LRRC7: variants seen among roughly 807,000 people sequenced by gnomAD.
The protein encoded by LRRC7 is leucine rich repeat containing 7.
Under a neutral mutation model 175.7 loss-of-function variants are expected in LRRC7, and 23 were observed. The observed-to-expected ratio is 0.13, with a 90% CI of 0.09 to 0.19. The LOEUF is 0.19. Ranked by LOEUF, LRRC7 falls within the 10% of genes least tolerant of loss-of-function variation. The pLI, the probability that LRRC7 is intolerant of heterozygous loss-of-function variation, is 1.00. For synonymous variants in LRRC7, 685 were observed against 680.9 expected, an observed-to-expected ratio of 1.01 and a Z score of -0.09; for missense variants, 1,354 against 1,904.7, an observed-to-expected ratio of 0.71 and a Z score of 5.38.
rs952159201 is a variant in LRRC7 at position 69,779,035 on chromosome 1, C to A, written c.304-13008C>A. 2.0e-5 allele frequency among the ~76,000 whole-genome samples: 3 copies of A among 150,864 alleles called. No individual in the cohort carries two copies. In the East Asian group the frequency reaches 5.8e-4, roughly 29 times the overall value. On this transcript the variant is annotated intron_variant, in intron 3 of 26. Transcript: ENST00000651989. ...ACACACAAACATATATATATATACA[C>A]ACACACACACACAGATACATACACA...
intron 25 of LRRC7, among the ~76,000 whole-genome samples, chr1:70,098,896 G>A (rs1196874268): frequency 2.0e-5 from 3 of 152,022 alleles, no homozygotes; most frequent in East Asian, 1.9e-4. Flanking sequence ...AGAGGTACAC[G>A]GAGGAACTGG....
At chr1:69,696,928 C>G (rs1662672103) in intron 2 of LRRC7, among the ~76,000 whole-genome samples, 1 of 152,100 alleles carries the variant, frequency 6.6e-6, no homozygotes, top group Admixed American at 6.5e-5. Flanking sequence ...TATAAATTAC[C>G]CAGCTTCAGG....
At chr1:69,961,371 T>G (rs370351037) in intron 8 of LRRC7, among the ~76,000 whole-genome samples, 6 of 152,140 alleles carry the variant, frequency 3.9e-5, no homozygotes, top group African/African-American at 1.4e-4. Context: ...TGCTCATGAA[T>G]AAGAAGAATC....
At chr1:69,846,017 T>A (rs966303446) in intron 7 of LRRC7, among the ~76,000 whole-genome samples, 1 of 152,140 alleles carries the variant, frequency 6.6e-6, no homozygotes. Context: ...ATTAGTGCCC[T>A]CTGCTTTTAG....
intron 2 of LRRC7, among the ~76,000 whole-genome samples, chr1:69,714,536 G>A (rs1665125691): frequency 6.6e-6 from 1 of 152,146 alleles, no homozygotes; most frequent in Non-Finnish European, 1.5e-5. Context: ...AAGGCTTCCT[G>A]GAAGAGGAAG....
At chr1:69,877,013 TA>T (rs760898721) in intron 7 of LRRC7, among the ~76,000 whole-genome samples, 1 of 152,204 alleles carries the variant, frequency 6.6e-6, no homozygotes, top group East Asian at 1.9e-4. Context: ...ATTGGAATTT[TA>T]AAATGGGCAA....
At chr1:69,604,635 G>GCAT (rs1647243849) in intron 1 of LRRC7, among the ~76,000 whole-genome samples, 2 of 151,962 alleles carry the variant, frequency 1.3e-5, no homozygotes, top group South Asian at 4.2e-4. Flanking sequence ...GGTGTTTTTG[G>GCAT]CATCATTTTT....
At chr1:69,675,578 A>C (rs968271083) in intron 1 of LRRC7, among the ~76,000 whole-genome samples, 4 of 152,188 alleles carry the variant, frequency 2.6e-5, no homozygotes, top group Non-Finnish European at 5.9e-5. Flanking sequence ...TACTATCTTA[A>C]GCTTGTAAAT....
chr1:69,666,111 T>C (rs947159052), intron 1 of LRRC7, among the ~76,000 whole-genome samples: 1 of 152,132 alleles, frequency 6.6e-6, no homozygotes, highest in African/African-American at 2.4e-5. Context: ...ATTGCATTGA[T>C]AGAATGTATT....
intron 1 of LRRC7, among the ~76,000 whole-genome samples, chr1:69,576,604 A>G (rs1170052893): frequency 6.6e-6 from 1 of 152,224 alleles, no homozygotes; most frequent in African/African-American, 2.4e-5. Context: ...GTCCCATCTA[A>G]TAACCCTTTT....
At chr1:70,032,018 C>T (rs991374977) in intron 18 of LRRC7, among the ~76,000 whole-genome samples, 2 of 152,060 alleles carry the variant, frequency 1.3e-5, no homozygotes, top group Admixed American at 6.5e-5. Flanking sequence ...AGGATGGTCT[C>T]GATCTCCTGA....
At chr1:69,578,077 A>T (rs1646031292) in intron 1 of LRRC7, among the ~76,000 whole-genome samples, 1 of 152,152 alleles carries the variant, frequency 6.6e-6, no homozygotes, top group Non-Finnish European at 1.5e-5. Context: ...TCTACAATGA[A>T]CTCAAACAAA....
intron 8 of LRRC7, among the ~76,000 whole-genome samples, chr1:69,974,295 A>G (rs1652590030): frequency 6.6e-6 from 1 of 152,126 alleles, no homozygotes. Context: ...TTTTAATATT[A>G]TTCTGTAATT....
intron 1 of LRRC7, among the ~76,000 whole-genome samples, chr1:69,569,416 T>G (rs1570212599): frequency 6.6e-6 from 1 of 151,944 alleles, no homozygotes; most frequent in African/African-American, 2.4e-5. Context: ...CCCTTGAGGA[T>G]CTTGCGTCCT....
chr1:69,733,192 T>A (rs1352019491), intron 2 of LRRC7, among the ~76,000 whole-genome samples: 8 of 152,022 alleles, frequency 5.3e-5, no homozygotes, highest in Admixed American at 5.2e-4. Flanking sequence ...AATGGCAGAA[T>A]TGAGACTAGG....
intron 1 of LRRC7, among the ~76,000 whole-genome samples, chr1:69,580,090 G>A (rs1371934716): frequency 6.6e-6 from 1 of 152,126 alleles, no homozygotes; most frequent in East Asian, 1.9e-4. Context: ...CATGTGGTGT[G>A]AGAAAGAAAT....
Position 70,142,838 on chromosome 1 carries a change from G to A in LRRC7, c.*20951G>A, listed in dbSNP as rs1018499912. On this transcript the variant is annotated 3_prime_UTR_variant, in exon 27 of 27. Coordinates refer to ENST00000651989, the MANE Select transcript of LRRC7 (RefSeq NM_001370785.2). ...TAAGCAATTCTGAAGGAAGACAGTG[G>A]TAGGTTTTCAGATGGTTTGTTAAGA... The A allele has an allele frequency of 6.6e-6, 1 of 151,988 alleles. No individual in the cohort carries two copies. Among genetic ancestry groups the A allele is most frequent in the Admixed American group, 6.6e-5 (1 of 15,252 alleles). The allele number at this position is 151,988 out of a possible 1,614,324, so 9.4% of individuals were successfully genotyped here.
chr1:69,685,236 C>T (rs1418703087), intron 2 of LRRC7, among the ~76,000 whole-genome samples: 2 of 152,124 alleles, frequency 1.3e-5, no homozygotes, highest in African/African-American at 2.4e-5. Context: ...TAAGCTAAAC[C>T]TAAACAGGAT....
At chr1:70,061,420 C>G (rs1053076238) in intron 23 of LRRC7, among the ~76,000 whole-genome samples, 5 of 152,052 alleles carry the variant, frequency 3.3e-5, no homozygotes, top group Non-Finnish European at 7.3e-5. Flanking sequence ...AGTATAAAGG[C>G]TGCATTGGTT....
Sources: allele counts gnomAD v4.1 joint callset (sites outside exome capture counted in the v4.1 genomes callset), GRCh38; gene constraint gnomAD v4.1.1; transcripts MANE v1.5; gene names NCBI Gene and HGNC (gene_info 2026-07-23, HGNC 2026-07-21).